Variants in NDUFA2 observed in about 807,000 individuals in gnomAD.
The protein encoded by NDUFA2 is NADH:ubiquinone oxidoreductase subunit A2.
In NDUFA2, 9 loss-of-function variants were observed where a neutral mutation model predicts 11.4. The ratio of observed to expected loss-of-function variants is 0.79; its 90% confidence interval spans 0.48 to 1.38. The LOEUF (loss-of-function observed/expected upper bound fraction) is 1.38, where lower values mean the gene tolerates loss of function less well. NDUFA2 is among the 40% of genes most tolerant of loss of function. The pLI is 0.00. For synonymous variants in NDUFA2, 49 were observed against 54.0 expected, an observed-to-expected ratio of 0.91 and a Z score of 0.41; for missense variants, 150 against 131.2, an observed-to-expected ratio of 1.14 and a Z score of -0.70.
Position 140,647,463 on chromosome 5 carries a change from C to A in NDUFA2, c.101+20G>T. The A allele has an allele frequency of 6.2e-7, 1 of 1,611,104 alleles. No homozygotes were observed. The highest frequency in any genetic ancestry group is 8.5e-7 in the Non-Finnish European group (1 of 1,179,576). ...CCCTGGCGTCCCGAAGCCCGCCCGCCTCACCACGCCGCGCCTCACCTGACG... is the reference window on the plus strand; with the variant it reads ...CCCTGGCGTCCCGAAGCCCGCCCGCATCACCACGCCGCGCCTCACCTGACG... On this transcript the variant is annotated intron_variant, in intron 1 of 2. Coordinates refer to ENST00000252102, the MANE Select transcript of NDUFA2 (RefSeq NM_002488.5).
rs774082572 is a variant in NDUFA2 at position 140,645,758 on chromosome 5, A to G, written c.209-80T>C. 1.5e-5 allele frequency: 24 copies of G among 1,601,984 alleles called. No individual in the cohort carries two copies. In the African/African-American group the frequency reaches 2.8e-4, roughly 19 times the overall value. ...AGTAAAATAAAAGATCTTTGTCTTT[A>G]TCTTAGTCTTGTTAAGACAGGAAGA... On this transcript the variant is annotated intron_variant, in intron 2 of 2. Coordinates refer to ENST00000252102, the MANE Select transcript of NDUFA2 (RefSeq NM_002488.5).
In NDUFA2 at chr5:140,645,752, G is replaced by T. The variant is rs1757356266; in HGVS notation, c.209-74C>A. 3 of 1,606,090 alleles carry T rather than the reference G, an allele frequency of 1.9e-6. No individual in the cohort carries two copies. In the South Asian group the frequency reaches 3.3e-5, roughly 18 times the overall value. ...TACCAAAGTAAAATAAAAGATCTTT[G>T]TCTTTATCTTAGTCTTGTTAAGACA... On this transcript the variant is annotated intron_variant, in intron 2 of 2. Transcript: ENST00000252102.
intron 2 of NDUFA2, 165 bp from the exon 3 acceptor site, chr5:140,645,843 C>G: frequency 8.0e-7 from 1 of 1,246,996 alleles, no homozygotes; most frequent in Non-Finnish European, 1.1e-6. Context: ...CAATAGGTCT[C>G]AAACACATCT....
At position 140,647,359 on chromosome 5, in the gene NDUFA2, G is replaced by C. The variant is rs558825457; in HGVS notation, c.105C>G (p.Asp35Glu). Residue 35 changes from aspartate (D) to glutamate (E), a missense_variant, in exon 2 of 3, where the codon GAC becomes GAG. Physicochemically the swap from Asp to Glu is conservative, Grantham distance 45. Coordinates refer to ENST00000252102, the MANE Select transcript of NDUFA2 (RefSeq NM_002488.5). ...GCTCCACGTAGCGTTTCTCAATGAA[G>C]TCCCTGCGGGGCCGGAGAGAGCGCC... ...QRSPGSQGVR[D>E]FIEKRYVELK... 1.2e-5 allele frequency: 19 copies of C among 1,610,384 alleles called. No individual in the cohort carries two copies. The South Asian group carries it at 1.3e-4, about 11-fold the overall frequency.
intron 2 of NDUFA2, among the ~76,000 whole-genome samples, chr5:140,646,007 CTCTTT>C (rs1255364165): frequency 3.0e-4 from 41 of 138,650 alleles, no homozygotes; most frequent in African/African-American, 8.3e-4. Context: ...CCCATTCTCT[CTCTTT>C]TTTTTTTTTT....
rs1757334443 is a variant in NDUFA2 at position 140,645,344 on chromosome 5, T to G, written c.*243A>C. 1.3e-6 allele frequency: 1 copy of G among 743,138 alleles called. No homozygotes were observed. The highest frequency in any genetic ancestry group is 2.3e-6 in the Non-Finnish European group (1 of 426,906). 46.0% of individuals were successfully genotyped at this position (743,138 alleles called of 1,614,324 possible). A position where few individuals can be genotyped will look rare whatever the true frequency, so the allele number is the denominator to read the frequency against. On this transcript the variant is annotated 3_prime_UTR_variant, in exon 3 of 3. Coordinates refer to ENST00000252102, the MANE Select transcript of NDUFA2 (RefSeq NM_002488.5). ...ATCCCTGCCCCCCCGCCACCCTTCA[T>G]GTTTGCTTCAGCAGCTGGTAGCTTT...
In NDUFA2 at chr5:140,645,452, G is replaced by T; in HGVS notation, c.*135C>A. 1.7e-6 allele frequency: 2 copies of T among 1,181,288 alleles called. No homozygotes were observed. Among genetic ancestry groups the T allele is most frequent in the Non-Finnish European group, 2.5e-6 (2 of 815,448 alleles). The allele number at this position is 1,181,288 out of a possible 1,614,324, so 73.2% of individuals were successfully genotyped here. On this transcript the variant is annotated 3_prime_UTR_variant, in exon 3 of 3. Coordinates refer to ENST00000252102, the MANE Select transcript of NDUFA2 (RefSeq NM_002488.5). ...ACAGTAAGGGGTAGAGGGTAGATGAGGACAAGAACACCCTGAGAAAGTATT... is the reference window on the plus strand; with the variant it reads ...ACAGTAAGGGGTAGAGGGTAGATGATGACAAGAACACCCTGAGAAAGTATT...
Position 140,647,246 on chromosome 5 carries a change from C to A in NDUFA2, c.208+10G>T, listed in dbSNP as rs756810207. ...ACCGGAGCCCCAGACCCCTGGCGTC[C>A]CGCACTCACCGTAGCGGGCCCAGAG... On this transcript the variant is annotated intron_variant, in intron 2 of 2. Transcript: ENST00000252102. The A allele has an allele frequency of 1.3e-6, 2 of 1,539,214 alleles. No homozygotes were observed. Among genetic ancestry groups the A allele is most frequent in the Non-Finnish European group, 1.7e-6 (2 of 1,143,586 alleles).
intron 2 of NDUFA2, 43 bp from the exon 3 acceptor site, chr5:140,645,721 G>A (rs1359717783): frequency 3.7e-6 from 6 of 1,613,802 alleles, no homozygotes; most frequent in East Asian, 2.2e-5. Context: ...TCTGCACCCT[G>A]GAGGCTACCA....
At chr5:140,646,749 A>T (rs566351079) in intron 2 of NDUFA2, among the ~76,000 whole-genome samples, 188 of 152,312 alleles carry the variant, frequency 1.2e-3, no homozygotes, top group African/African-American at 4.5e-3. Flanking sequence ...GCTGCATCTA[A>T]AGTTGCAGCT....
chr5:140,647,323 C>A lies in NDUFA2; in HGVS notation c.141G>T (p.Ala47=). The A allele has an allele frequency of 6.2e-7, 1 of 1,600,008 alleles. No homozygotes were observed. ...IEKRYVELKK[A]NPDLPILIRE... ...GGATTAGGATGGGTAGGTCGGGATTCGCCTTCTTCAGCTCCACGTAGCGTT... is the reference window on the plus strand; with the variant it reads ...GGATTAGGATGGGTAGGTCGGGATTAGCCTTCTTCAGCTCCACGTAGCGTT... Residue 47 remains alanine, a synonymous_variant, in exon 2 of 3, where the codon GCG becomes GCT. Transcript: ENST00000252102.
At chr5:140,646,832 G>A (rs747133186) in intron 2 of NDUFA2, among the ~76,000 whole-genome samples, 1 of 152,076 alleles carries the variant, frequency 6.6e-6, no homozygotes, top group African/African-American at 2.4e-5. Context: ...AGAAGAACAC[G>A]CTTCCTCCTA....
At chr5:140,645,844 A>C in intron 2 of NDUFA2, 166 bp from the exon 3 acceptor site, 37 of 1,237,082 alleles carry the variant, frequency 3.0e-5, no homozygotes, top group Non-Finnish European at 4.0e-5. Context: ...AATAGGTCTC[A>C]AACACATCTA....
intron 2 of NDUFA2, 97 bp from the exon 3 acceptor site, chr5:140,645,775 A>G: frequency 6.4e-7 from 1 of 1,572,426 alleles, no homozygotes; most frequent in Middle Eastern, 1.7e-4. Flanking sequence ...TCTTGTTAAG[A>G]CAGGAAGAGT....
intron 2 of NDUFA2, 108 bp from the exon 3 acceptor site, chr5:140,645,786 A>G: frequency 6.5e-7 from 1 of 1,534,458 alleles, no homozygotes; most frequent in Non-Finnish European, 8.9e-7. Context: ...CAGGAAGAGT[A>G]TTAAAGAGAT....
In NDUFA2 at chr5:140,645,452, G is replaced by C; in HGVS notation, c.*135C>G. Reference sequence around the variant, plus strand: ...ACAGTAAGGGGTAGAGGGTAGATGAGGACAAGAACACCCTGAGAAAGTATT... The same window carrying C: ...ACAGTAAGGGGTAGAGGGTAGATGACGACAAGAACACCCTGAGAAAGTATT... On this transcript the variant is annotated 3_prime_UTR_variant, in exon 3 of 3. Coordinates refer to ENST00000252102, the MANE Select transcript of NDUFA2 (RefSeq NM_002488.5). 1 of 1,181,290 alleles carries C rather than the reference G, an allele frequency of 8.5e-7. No homozygotes were observed. Among genetic ancestry groups the C allele is most frequent in the Non-Finnish European group, 1.2e-6 (1 of 815,448 alleles). 73.2% of individuals were successfully genotyped at this position (1,181,290 alleles called of 1,614,324 possible). A position where few individuals can be genotyped will look rare whatever the true frequency, so the allele number is the denominator to read the frequency against.
At chr5:140,646,534 G>A (rs868329356) in intron 2 of NDUFA2, among the ~76,000 whole-genome samples, 2 of 151,944 alleles carry the variant, frequency 1.3e-5, no homozygotes, top group Admixed American at 6.6e-5. Context: ...ACCTCCTCCC[G>A]TCATTCCCAG....
chr5:140,645,763 A>G (rs771900672), intron 2 of NDUFA2, 85 bp from the exon 3 acceptor site: 16 of 1,592,424 alleles, frequency 1.0e-5, no homozygotes, highest in Non-Finnish European at 9.4e-6. Flanking sequence ...TCTTTATCTT[A>G]GTCTTGTTAA....
chr5:140,647,387 G>T (rs1581476251), intron 1 of NDUFA2, 25 bp from the exon 2 acceptor site: 1 of 1,611,080 alleles, frequency 6.2e-7, no homozygotes, highest in Non-Finnish European at 8.5e-7. Flanking sequence ...AGAGCGCCGC[G>T]CGTGCTGTGG....
Sources: gnomAD v4.1 joint callset for allele counts (sites outside exome capture counted in the v4.1 genomes callset) on GRCh38, gnomAD v4.1.1 for gene constraint, MANE v1.5 for transcripts, NCBI Gene and HGNC (gene_info 2026-07-23, HGNC 2026-07-21) for gene names.